APOLD1: variants seen among roughly 807,000 people sequenced by gnomAD.
APOLD1 encodes apolipoprotein L domain containing 1.
APOLD1 carries 22 observed loss-of-function variants against 15.3 expected under a neutral mutation model. That is an observed-to-expected ratio of 1.44 (90% CI 1.03 to 2.05). The LOEUF is 2.05. Ranked by LOEUF, APOLD1 falls within the 30% of genes most tolerant of loss-of-function variation. APOLD1 has a pLI of 0.00. For missense variants in APOLD1, 394 were observed against 353.5 expected, an observed-to-expected ratio of 1.11 and a Z score of -0.92; for synonymous variants, 190 against 167.4, an observed-to-expected ratio of 1.13 and a Z score of -1.04.
chr12:12,761,916 A>G (rs770255381), intron 1 of APOLD1, among the ~76,000 whole-genome samples: 45 of 148,838 alleles, frequency 3.0e-4, no homozygotes, highest in South Asian at 8.5e-4. Flanking sequence ...GCTCACTGCA[A>G]CCTTCAACTC....
At chr12:12,741,195 A>G (rs1253638263) in intron 1 of APOLD1, among the ~76,000 whole-genome samples, 3 of 152,152 alleles carry the variant, frequency 2.0e-5, no homozygotes, top group African/African-American at 7.2e-5. Context: ...GCAAACTGTC[A>G]TACTTTTTTT....
intron 1 of APOLD1, among the ~76,000 whole-genome samples, chr12:12,760,653 AAACAACC>A (rs1946891547): frequency 1.3e-5 from 2 of 151,656 alleles, no homozygotes; most frequent in South Asian, 4.2e-4. Context: ...AAAAAAAAAA[AAACAACC>A]AACAACCAAA....
At chr12:12,777,047 A>G (rs1945190564) in intron 1 of APOLD1, among the ~76,000 whole-genome samples, 1 of 152,162 alleles carries the variant, frequency 6.6e-6, no homozygotes, top group Non-Finnish European at 1.5e-5. Context: ...TAAAATGTTT[A>G]TTGTGGATAT....
chr12:12,748,326 C>G (rs1166132013), intron 1 of APOLD1, among the ~76,000 whole-genome samples: 3 of 152,108 alleles, frequency 2.0e-5, no homozygotes. Flanking sequence ...TTGCACTATC[C>G]TTAAGGGCAA....
chr12:12,758,691 C>A (rs116745058), intron 1 of APOLD1, among the ~76,000 whole-genome samples: 1 of 152,198 alleles, frequency 6.6e-6, no homozygotes, highest in African/African-American at 2.4e-5. Context: ...TAAGCACTTA[C>A]GTATTGTGGC....
At chr12:12,726,526 C>G (rs574466913) in intron 1 of APOLD1, among the ~76,000 whole-genome samples, 1 of 152,310 alleles carries the variant, frequency 6.6e-6, no homozygotes, top group Non-Finnish European at 1.5e-5. Flanking sequence ...ATGATTCTCT[C>G]AGTCCCTATG....
chr12:12,746,834 ATTT>A (rs1946770622), intron 1 of APOLD1, among the ~76,000 whole-genome samples: 1 of 151,696 alleles, frequency 6.6e-6, no homozygotes. Flanking sequence ...GTCTATTCTT[ATTT>A]TTATGTCTGT....
chr12:12,766,845 A>G (rs1946946431), intron 1 of APOLD1, among the ~76,000 whole-genome samples: 1 of 151,996 alleles, frequency 6.6e-6, no homozygotes. Context: ...TGTCTCAAAA[A>G]CAAAAAACAA....
rs551426251 is a variant in APOLD1 at position 12,746,119 on chromosome 12, C to A, written c.96+20023C>A. Among the ~76,000 whole-genome samples the A allele has an allele frequency of 3.8e-3, 577 of 152,140 alleles. 13 individuals carry two copies. The highest frequency in any genetic ancestry group is 0.013 in the African/African-American group (549 of 41,444). ...TCCGAGTCTGGAAGTGAGGAGTGAC[C>A]AAGAGAGAACAAAAGGAAGGGTGGT... On this transcript the variant is annotated intron_variant, in intron 1 of 1. Transcript: ENST00000326765.
At position 12,787,303 on chromosome 12, in the gene APOLD1, AGATCCT is replaced by A. The variant is rs1196877965; in HGVS notation, c.401_406del (p.Ile134_Leu135del). On this transcript the variant is annotated inframe_deletion, in exon 2 of 2. Transcript: ENST00000356591. The surrounding 1 kb of genome is among the most constrained non-coding windows in gnomAD (Gnocchi z 4.9). The stretch of plus-strand genomic sequence containing the variant: ...GCCACCTGCCAGGACCAGATGCGAG[AGATCCT>A]GAGCTGCCTCGAGTTTTTCTGCCGC... 3 of 1,611,650 alleles carry A rather than the reference AGATCCT, an allele frequency of 1.9e-6. No homozygotes were observed. The highest frequency in any genetic ancestry group is 2.5e-6 in the Non-Finnish European group (3 of 1,179,312).
At position 12,787,010 on chromosome 12, in the gene APOLD1, G is replaced by A; in HGVS notation, c.105G>A (p.Val35=). Residue 35 remains valine, a synonymous_variant, in exon 2 of 2, where the codon GTG becomes GTA. Coordinates refer to ENST00000356591, the MANE Select transcript of APOLD1 (RefSeq NM_030817.3). This position sits in a 1 kb window ranked among gnomAD's most constrained non-coding sequence, Gnocchi z 4.9. ...LDRRGRLHGQ[V]LRLREVARRL... is the part of the protein sequence containing the mutation. ...GCCGAGGCCGGCTGCACGGCCAGGTGCTGCGCCTGCGCGAGGTGGCCCGGC... is the reference window on the plus strand; with the variant it reads ...GCCGAGGCCGGCTGCACGGCCAGGTACTGCGCCTGCGCGAGGTGGCCCGGC... 2.1e-6 allele frequency: 3 copies of A among 1,396,142 alleles called. No homozygotes were observed. The highest frequency in any genetic ancestry group is 2.8e-6 in the Non-Finnish European group (3 of 1,087,108). 86.5% of individuals were successfully genotyped at this position (1,396,142 alleles called of 1,614,324 possible). A position where few individuals can be genotyped will look rare whatever the true frequency, so the allele number is the denominator to read the frequency against.
chr12:12,727,759 CCTTT>C (rs1946604572), intron 1 of APOLD1, among the ~76,000 whole-genome samples: 1 of 110,770 alleles, frequency 9.0e-6, no homozygotes, highest in South Asian at 3.5e-4. Flanking sequence ...TGCTCTGAAA[CCTTT>C]TTTTTTTTTT....
intron 1 of APOLD1, among the ~76,000 whole-genome samples, chr12:12,757,868 A>G (rs1946867550): frequency 1.3e-5 from 2 of 151,348 alleles, no homozygotes; most frequent in African/African-American, 4.8e-5. Context: ...TGCCTCATAG[A>G]TAAGGGGGAA....
chr12:12,770,567 G>GA (rs36112693), intron 1 of APOLD1, among the ~76,000 whole-genome samples: 46,731 of 119,052 alleles, frequency 0.39, 8,529 homozygotes, highest in African/African-American at 0.49. Context: ...AAAAAAGACT[G>GA]AAAAAAAAAA....
chr12:12,750,437 C>G (rs1946803788), intron 1 of APOLD1, among the ~76,000 whole-genome samples: 1 of 146,362 alleles, frequency 6.8e-6, no homozygotes, highest in African/African-American at 2.5e-5. Flanking sequence ...TGAATTTTAA[C>G]CCACACATGT....
chr12:12,759,187 CTG>C (rs1387550661), intron 1 of APOLD1, among the ~76,000 whole-genome samples: 3 of 152,184 alleles, frequency 2.0e-5, no homozygotes, highest in Non-Finnish European at 4.4e-5. Flanking sequence ...TATTTTCAGA[CTG>C]TGGTTGACCG....
intron 1 of APOLD1, among the ~76,000 whole-genome samples, chr12:12,751,335 G>C (rs530036217): frequency 1.1e-4 from 16 of 152,144 alleles, no homozygotes; most frequent in Admixed American, 3.3e-4. Context: ...AACATCGAGA[G>C]AATATTAGTG....
chr12:12,749,956 T>C (rs184012160), intron 1 of APOLD1, among the ~76,000 whole-genome samples: 1 of 152,284 alleles, frequency 6.6e-6, no homozygotes, highest in East Asian at 1.9e-4. Context: ...TTTTTTGACT[T>C]GGAGGCCCTG....
At chr12:12,740,315 C>T (rs1946721585) in intron 1 of APOLD1, among the ~76,000 whole-genome samples, 1 of 152,172 alleles carries the variant, frequency 6.6e-6, no homozygotes, top group Non-Finnish European at 1.5e-5. Flanking sequence ...CGGGGTTTCA[C>T]CATATTGGCC....
Sources: gnomAD v4.1 joint callset for allele counts (sites outside exome capture counted in the v4.1 genomes callset) on GRCh38, gnomAD v4.1.1 for gene constraint, Gnocchi (gnomAD v3.1) non-coding constraint, MANE v1.5 for transcripts, NCBI Gene and HGNC (gene_info 2026-07-23, HGNC 2026-07-21) for gene names.